PBX4: variants seen among roughly 807,000 people sequenced by gnomAD.
PBX4 encodes PBX homeobox 4.
In PBX4, 26 loss-of-function variants were observed where a neutral mutation model predicts 35.1. The observed-to-expected ratio is 0.74, with a 90% CI of 0.54 to 1.03. The LOEUF is 1.03. PBX4 is among the 50% of genes least tolerant of loss of function. The pLI is 0.00. For missense variants in PBX4, 448 were observed against 504.3 expected, an observed-to-expected ratio of 0.89 and a Z score of 1.07; for synonymous variants, 199 against 204.2, an observed-to-expected ratio of 0.97 and a Z score of 0.22.
intron 1 of PBX4, among the ~76,000 whole-genome samples, chr19:19,609,310 G>A (rs1271270582): frequency 2.7e-5 from 4 of 150,408 alleles, no homozygotes; most frequent in Non-Finnish European, 1.5e-5. Flanking sequence ...AGCACTTTGG[G>A]AGGCTGAGGC....
intron 1 of PBX4, among the ~76,000 whole-genome samples, chr19:19,615,886 T>TCA (rs377323785): frequency 6.6e-4 from 99 of 150,004 alleles, no homozygotes; most frequent in South Asian, 3.2e-3. Flanking sequence ...TGAGAGTCCG[T>TCA]CACACACACA....
At position 19,584,193 on chromosome 19, in the gene PBX4, G is replaced by A. The variant is rs150303939; in HGVS notation, c.194-13360C>T. Among the ~76,000 whole-genome samples, 453 of 152,174 alleles carry A rather than the reference G, an allele frequency of 3.0e-3. 4 individuals are homozygous for A. Among genetic ancestry groups the A allele is most frequent in the Admixed American group, 0.022 (331 of 15,284 alleles). On this transcript the variant is annotated intron_variant, in intron 2 of 7. Coordinates refer to ENST00000251203, the MANE Select transcript of PBX4 (RefSeq NM_025245.3). ...GCGGAGGTAGCAGTGAGCCAAGATC[G>A]TGCCACTGCACTCCAGCCTGGGTGA...
At chr19:19,612,375 C>A (rs1421950541) in intron 1 of PBX4, among the ~76,000 whole-genome samples, 4 of 152,030 alleles carry the variant, frequency 2.6e-5, no homozygotes, top group Non-Finnish European at 5.9e-5. Context: ...GTTCAGAGGG[C>A]CTCACGACTG....
At chr19:19,600,331 G>A (rs945422644) in intron 1 of PBX4, among the ~76,000 whole-genome samples, 13 of 151,916 alleles carry the variant, frequency 8.6e-5, no homozygotes, top group Admixed American at 4.6e-4. Flanking sequence ...ATTTAAGATC[G>A]GCCTGGGCAA....
intron 1 of PBX4, 29 bp downstream of exon 1, chr19:19,618,482 G>A (rs1008055158): frequency 1.3e-5 from 19 of 1,426,662 alleles, no homozygotes; most frequent in Non-Finnish European, 1.7e-5. Flanking sequence ...ACGACCCTGC[G>A]TGGCCCCTGC....
intron 1 of PBX4, among the ~76,000 whole-genome samples, chr19:19,607,493 A>G (rs1349502195): frequency 6.6e-6 from 1 of 152,224 alleles, no homozygotes; most frequent in Non-Finnish European, 1.5e-5. Flanking sequence ...AAAATTCTGA[A>G]TATCATTTTT....
rs372958240 is a variant in PBX4 at position 19,570,716 on chromosome 19, G to C, written c.311C>G (p.Ala104Gly). ...CRPEKRGRGG[A>G]VARAGTATPG... ...TGTTGCTGTGCCGGCCCTGGCCACC[G>C]CTCCTCCTCTTCCTCTCTTCTCGGG... The change falls in exon 3 of 8, where the codon GCG becomes GGG. Residue 104 changes from alanine (A) to glycine (G), a missense_variant. Ala to Gly is a moderately conservative substitution (Grantham distance 60). Coordinates refer to ENST00000251203, the MANE Select transcript of PBX4 (RefSeq NM_025245.3). 6.2e-7 allele frequency: 1 copy of C among 1,613,990 alleles called. No individual in the cohort carries two copies. The highest frequency in any genetic ancestry group is 2.2e-5 in the East Asian group (1 of 44,900).
At chr19:19,613,678 TCTGC>T (rs2061674607) in intron 1 of PBX4, among the ~76,000 whole-genome samples, 1 of 152,104 alleles carries the variant, frequency 6.6e-6, no homozygotes, top group Admixed American at 6.6e-5. Context: ...AAGCTCTGCC[TCTGC>T]GGTGACATTC....
chr19:19,583,338 T>G (rs145606687), intron 2 of PBX4, among the ~76,000 whole-genome samples: 2,296 of 151,180 alleles, frequency 0.015, 80 homozygotes, highest in South Asian at 0.077. Context: ...AAGGCCAGGT[T>G]CAGTGGCTCA....
intron 1 of PBX4, among the ~76,000 whole-genome samples, chr19:19,611,321 A>G (rs1308706663): frequency 1.3e-5 from 2 of 152,148 alleles, no homozygotes; most frequent in African/African-American, 4.8e-5. Context: ...ATCTGCAGAA[A>G]TATTGGAGGG....
At chr19:19,575,999 A>C (rs2061417091) in intron 2 of PBX4, among the ~76,000 whole-genome samples, 1 of 152,312 alleles carries the variant, frequency 6.6e-6, no homozygotes, top group Non-Finnish European at 1.5e-5. Flanking sequence ...AGCATGGTCA[A>C]TGTTGGCACA....
chr19:19,591,713 C>G (rs980775654), intron 2 of PBX4, among the ~76,000 whole-genome samples: 3 of 152,250 alleles, frequency 2.0e-5, no homozygotes, highest in Non-Finnish European at 4.4e-5. Flanking sequence ...GCTTTTCACA[C>G]AAGCTGTCAC....
At position 19,597,467 on chromosome 19, in the gene PBX4, G is replaced by C. The variant is rs1242322443; in HGVS notation, c.193+1825C>G. ...CAGAGGAGGACCAGGAACAGAGAAAGGTTCAGCCAAGGACCAGGGTCATGC... is the reference window on the plus strand; with the variant it reads ...CAGAGGAGGACCAGGAACAGAGAAACGTTCAGCCAAGGACCAGGGTCATGC... On this transcript the variant is annotated intron_variant, in intron 2 of 7. Coordinates refer to ENST00000251203, the MANE Select transcript of PBX4 (RefSeq NM_025245.3). Among the ~76,000 whole-genome samples, 5 of 152,146 alleles carry C rather than the reference G, an allele frequency of 3.3e-5. No homozygotes were observed. In the East Asian group the frequency reaches 9.6e-4, roughly 29 times the overall value.
chr19:19,611,139 A>C (rs557661774), intron 1 of PBX4, among the ~76,000 whole-genome samples: 1 of 152,290 alleles, frequency 6.6e-6, no homozygotes, highest in Admixed American at 6.5e-5. Context: ...CATACTTTAT[A>C]AGTATATGTG....
chr19:19,617,229 T>A (rs972873916), intron 1 of PBX4, among the ~76,000 whole-genome samples: 7 of 152,212 alleles, frequency 4.6e-5, no homozygotes, highest in Non-Finnish European at 8.8e-5. Context: ...TTGCCCAGGC[T>A]GGTCTCAAAC....
intron 5 of PBX4, among the ~76,000 whole-genome samples, chr19:19,568,621 A>AGCTCACACTCCATCTGTATCCCTCAG (rs2061359887): frequency 1.3e-5 from 1 of 78,244 alleles, no homozygotes; most frequent in Non-Finnish European, 2.7e-5. Flanking sequence ...GTATCCCTCA[A>AGCTCACACTCCATCTGTATCCCTCAG]GGAGCTCACA....
Position 19,568,839 on chromosome 19 carries a change from G to GTCTGTGTCCCTCAGGGAGCTCACACTCCA in PBX4, c.768+581_768+609dup, listed in dbSNP as rs2061362203. On this transcript the variant is annotated intron_variant, in intron 5 of 7. Transcript: ENST00000251203. ...GTAACCCTCAGGGAGCTCACACTCC[G>GTCTGTGTCCCTCAGGGAGCTCACACTCCA]TCTGTGTCCCTCAGGGAGCTCACAC... 1.9e-4 allele frequency among the ~76,000 whole-genome samples: 29 copies of GTCTGTGTCCCTCAGGGAGCTCACACTCCA among 149,906 alleles called. No homozygotes were observed. In the South Asian group the frequency reaches 6.2e-3, roughly 32 times the overall value.
At chr19:19,599,789 A>G (rs1375759899) in intron 1 of PBX4, among the ~76,000 whole-genome samples, 1 of 152,170 alleles carries the variant, frequency 6.6e-6, no homozygotes, top group Non-Finnish European at 1.5e-5. Flanking sequence ...CCTGGCCAGC[A>G]TGGTGAAACC....
intron 2 of PBX4, among the ~76,000 whole-genome samples, chr19:19,578,416 A>C (rs2061433848): frequency 6.6e-6 from 1 of 152,058 alleles, no homozygotes; most frequent in Admixed American, 6.6e-5. Context: ...TGGTCATTAG[A>C]CATGCATTAC....
Sources: gnomAD v4.1 joint callset for allele counts (sites outside exome capture counted in the v4.1 genomes callset) on GRCh38, gnomAD v4.1.1 for gene constraint, MANE v1.5 for transcripts, NCBI Gene and HGNC (gene_info 2026-07-23, HGNC 2026-07-21) for gene names.